COL24A1: variants seen among roughly 807,000 people sequenced by gnomAD.
COL24A1 encodes collagen alpha-1(XXIV) chain.
COL24A1 carries 224 observed loss-of-function variants against 253.9 expected under a neutral mutation model. That is an observed-to-expected ratio of 0.88 (90% CI 0.79 to 0.99). The LOEUF is 0.99. Among genes scored for constraint, COL24A1 ranks in the 50% least tolerant of loss-of-function variants. The pLI is 0.00. For missense variants in COL24A1, 2,131 were observed against 2,068.5 expected (o/e 1.03, Z -0.59); for synonymous variants, 685 against 673.7 (o/e 1.02, Z -0.26).
At chr1:85,944,872 G>T (rs1689106942) in intron 24 of COL24A1, among the ~76,000 whole-genome samples, 1 of 151,142 alleles carries the variant, frequency 6.6e-6, no homozygotes, top group African/African-American at 2.4e-5. Flanking sequence ...TCTTGCGATA[G>T]TTTACTGAGA....
At chr1:85,862,079 T>G (rs1679216966) in intron 37 of COL24A1, among the ~76,000 whole-genome samples, 1 of 152,232 alleles carries the variant, frequency 6.6e-6, no homozygotes, top group Non-Finnish European at 1.5e-5. Context: ...GTTCTCTATC[T>G]TTAACTAGTT....
chr1:85,965,139 G>A, intron 22 of COL24A1, 77 bp from the exon 23 acceptor site: 9 of 1,109,870 alleles, frequency 8.1e-6, no homozygotes, highest in East Asian at 4.9e-5. Flanking sequence ...TAAGATATAT[G>A]AAATTTAGAC....
intron 59 of COL24A1, among the ~76,000 whole-genome samples, chr1:85,731,866 G>T (rs1327792805): frequency 1.3e-5 from 2 of 152,136 alleles, no homozygotes; most frequent in Non-Finnish European, 2.9e-5. Context: ...TTTAAAGTAT[G>T]CCTAAAATTT....
chr1:85,897,484 C>T (rs76437355), intron 28 of COL24A1, among the ~76,000 whole-genome samples: 2,306 of 151,908 alleles, frequency 0.015, 51 homozygotes, highest in African/African-American at 0.053. Flanking sequence ...TGAGTGCTGA[C>T]TGCATTGTAC....
rs1673089357 is a variant in COL24A1 at position 85,816,847 on chromosome 1, C to T, written c.3892G>A (p.Ala1298Thr). Reference sequence around the variant, plus strand: ...CCAGGGTTTCCTGAAATGCCATCTGCTCCATGGTATCCTTGTATGCCTTTT... The same window carrying T: ...CCAGGGTTTCCTGAAATGCCATCTGTTCCATGGTATCCTTGTATGCCTTTT... ...GPKGIQGYHGADGISGNPGKI... is the reference protein window; with the variant it reads ...GPKGIQGYHGTDGISGNPGKI... Residue 1298 changes from alanine (A) to threonine (T), a missense_variant, in exon 47 of 60, where the codon GCA becomes ACA. Coordinates refer to ENST00000370571, the MANE Select transcript of COL24A1 (RefSeq NM_152890.7). 6.2e-7 allele frequency: 1 copy of T among 1,614,036 alleles called. No homozygotes were observed. Among genetic ancestry groups the T allele is most frequent in the Non-Finnish European group, 8.5e-7 (1 of 1,179,912 alleles).
At chr1:86,042,635 A>T (rs940378365) in intron 12 of COL24A1, among the ~76,000 whole-genome samples, 2 of 152,158 alleles carry the variant, frequency 1.3e-5, no homozygotes, top group Non-Finnish European at 2.9e-5. Flanking sequence ...CTAAGAGAAG[A>T]TAGCTCTTAT....
intron 19 of COL24A1, among the ~76,000 whole-genome samples, chr1:86,009,120 G>A (rs1049058923): frequency 2.0e-5 from 3 of 152,070 alleles, no homozygotes; most frequent in African/African-American, 7.2e-5. Context: ...TTGATGTTAA[G>A]GTTTATATGG....
intron 24 of COL24A1, among the ~76,000 whole-genome samples, chr1:85,959,942 T>C (rs113399510): frequency 6.6e-6 from 1 of 152,310 alleles, no homozygotes; most frequent in South Asian, 2.1e-4. Context: ...AGAAATATGT[T>C]ACAATCATAT....
chr1:85,923,654 G>A (rs965686814), intron 24 of COL24A1, among the ~76,000 whole-genome samples: 10 of 152,122 alleles, frequency 6.6e-5, no homozygotes, highest in African/African-American at 9.7e-5. Flanking sequence ...CGGAATCTCT[G>A]GGACATATTA....
At chr1:86,013,958 C>T (rs1192964858) in intron 19 of COL24A1, among the ~76,000 whole-genome samples, 1 of 152,228 alleles carries the variant, frequency 6.6e-6, no homozygotes, top group African/African-American at 2.4e-5. Context: ...ACTCCTGCAG[C>T]TCCTTTCTCC....
At chr1:85,765,385 A>G (rs1667256950) in intron 53 of COL24A1, among the ~76,000 whole-genome samples, 1 of 151,760 alleles carries the variant, frequency 6.6e-6, no homozygotes. Flanking sequence ...TGTAAGTTAT[A>G]TGATTCAAGT....
chr1:86,016,936 G>T (rs962665225), intron 19 of COL24A1, among the ~76,000 whole-genome samples: 1 of 152,170 alleles, frequency 6.6e-6, no homozygotes, highest in Admixed American at 6.5e-5. Flanking sequence ...ATCCTAATCA[G>T]TGTGAAAATG....
chr1:86,022,376 T>G (rs1697626519), intron 17 of COL24A1, 83 bp from the exon 18 acceptor site: 3 of 1,440,664 alleles, frequency 2.1e-6, no homozygotes, highest in South Asian at 2.3e-5. Flanking sequence ...CTAAAAAATT[T>G]CATAAAGTAT....
At chr1:85,958,296 T>C (rs1043950652) in intron 24 of COL24A1, among the ~76,000 whole-genome samples, 3 of 152,156 alleles carry the variant, frequency 2.0e-5, no homozygotes, top group Non-Finnish European at 4.4e-5. Context: ...TTACTACTTA[T>C]ATGTCATTTC....
chr1:85,956,600 C>T (rs549384999), intron 24 of COL24A1, among the ~76,000 whole-genome samples: 1 of 152,250 alleles, frequency 6.6e-6, no homozygotes, highest in Non-Finnish European at 1.5e-5. Flanking sequence ...AACAATGTGG[C>T]CAGACTACTG....
chr1:86,151,150 A>G (rs984533770), intron 1 of COL24A1, among the ~76,000 whole-genome samples: 2 of 152,080 alleles, frequency 1.3e-5, no homozygotes, highest in Admixed American at 1.3e-4. Context: ...TTTAACCACA[A>G]AACTGTAACG....
At chr1:85,996,643 A>G (rs1176537326) in intron 19 of COL24A1, among the ~76,000 whole-genome samples, 2 of 152,134 alleles carry the variant, frequency 1.3e-5, no homozygotes, top group Non-Finnish European at 2.9e-5. Context: ...CTCAAAAAAC[A>G]AAACAAAACA....
intron 7 of COL24A1, among the ~76,000 whole-genome samples, chr1:86,068,959 AT>A (rs765247140): frequency 4.9e-4 from 75 of 151,876 alleles, no homozygotes; most frequent in Non-Finnish European, 8.1e-4. Flanking sequence ...TGGGCCCTGA[AT>A]AACCACCAAT....
chr1:86,045,982 T>C, intron 12 of COL24A1: 1 of 316,520 alleles, frequency 3.2e-6, no homozygotes, highest in South Asian at 3.0e-5. Context: ...TTTACCACTT[T>C]TAACTATCTG....
Sources: allele counts gnomAD v4.1 joint callset (sites outside exome capture counted in the v4.1 genomes callset), GRCh38; gene constraint gnomAD v4.1.1; transcripts MANE v1.5; gene names NCBI Gene and HGNC (gene_info 2026-07-23, HGNC 2026-07-21).